RFX3: variants seen among roughly 807,000 people sequenced by gnomAD.
RFX3 encodes transcription factor RFX3.
RFX3 carries 14 observed loss-of-function variants against 98.6 expected under a neutral mutation model. That is an observed-to-expected ratio of 0.14 (90% CI 0.09 to 0.22). The LOEUF is 0.22. RFX3 is among the 10% of genes least tolerant of loss of function. The pLI is 1.00. For synonymous variants in RFX3, 383 were observed against 328.4 expected (o/e 1.17, Z -1.80); for missense variants, 639 against 926.9 (o/e 0.69, Z 4.03).
At chr9:3,525,521 G>A (rs1392852890) in intron 1 of RFX3, among the ~76,000 whole-genome samples, 1 of 151,846 alleles carries the variant, frequency 6.6e-6, no homozygotes, top group African/African-American at 2.4e-5. Flanking sequence ...CGGGCGGCGC[G>A]GCGCCCACAC....
At chr9:3,393,514 T>A (rs1244700864) in intron 2 of RFX3, among the ~76,000 whole-genome samples, 4 of 152,152 alleles carry the variant, frequency 2.6e-5, no homozygotes, top group Non-Finnish European at 5.9e-5. Context: ...CAGAGTGAGT[T>A]AAATGTTCAA....
chr9:3,435,956 G>A (rs1034902847), intron 1 of RFX3, among the ~76,000 whole-genome samples: 6 of 151,798 alleles, frequency 4.0e-5, no homozygotes, highest in South Asian at 2.1e-4. Context: ...ATTTTCTCTC[G>A]TGCTATTTTC....
intron 4 of RFX3, among the ~76,000 whole-genome samples, chr9:3,327,214 G>A (rs568510083): frequency 6.6e-6 from 1 of 151,596 alleles, no homozygotes; most frequent in East Asian, 1.9e-4. Context: ...AAAAAATCTT[G>A]ATTTTTAGGA....
chr9:3,469,320 C>A, intron 1 of RFX3: 1 of 307,748 alleles, frequency 3.2e-6, no homozygotes, highest in South Asian at 2.9e-5. Flanking sequence ...CTTCTATTTT[C>A]TAGTCTAGTA....
intron 2 of RFX3, among the ~76,000 whole-genome samples, chr9:3,370,609 C>G (rs1311293313): frequency 1.3e-5 from 2 of 151,948 alleles, no homozygotes; most frequent in Non-Finnish European, 2.9e-5. Flanking sequence ...ATAAAAATGC[C>G]TTAATTTAAG....
At chr9:3,239,130 T>C (rs1819577712) in intron 15 of RFX3, among the ~76,000 whole-genome samples, 1 of 152,314 alleles carries the variant, frequency 6.6e-6, no homozygotes, top group South Asian at 2.1e-4. Flanking sequence ...GCATTATTAT[T>C]TTCCTTAAAT....
intron 1 of RFX3, among the ~76,000 whole-genome samples, chr9:3,446,816 G>C (rs1216254465): frequency 6.6e-6 from 1 of 151,946 alleles, no homozygotes; most frequent in Non-Finnish European, 1.5e-5. Flanking sequence ...ACTTAAAATG[G>C]AAATAATTTG....
Position 3,513,223 on chromosome 9 carries a change from C to T in RFX3, c.-9+12524G>A, listed in dbSNP as rs540846718. On this transcript the variant is annotated intron_variant, in intron 1 of 16. Coordinates refer to ENST00000617270, the MANE Select transcript of RFX3 (RefSeq NM_001282116.2). Reference sequence around the variant, plus strand: ...TTTATCCAATTATCTTAGGTCTCTGCTAGAATGTTTTTGAATCAAATATTA... The same window carrying T: ...TTTATCCAATTATCTTAGGTCTCTGTTAGAATGTTTTTGAATCAAATATTA... Among the ~76,000 whole-genome samples, 341 of 152,082 alleles carry T rather than the reference C, an allele frequency of 2.2e-3. 1 individual carries two copies. The highest frequency in any genetic ancestry group is 3.9e-3 in the Non-Finnish European group (268 of 67,960).
intron 1 of RFX3, among the ~76,000 whole-genome samples, chr9:3,398,914 T>TAAAAAAAAAAAAAAA (rs71324247): frequency 2.5e-4 from 17 of 67,548 alleles, no homozygotes; most frequent in African/African-American, 7.2e-4. Context: ...TAGAGTATAA[T>TAAAAAAAAAAAAAAA]AAAAAAAAAA....
chr9:3,435,487 TATA>T (rs1349729086), intron 1 of RFX3, among the ~76,000 whole-genome samples: 3 of 152,078 alleles, frequency 2.0e-5, no homozygotes, highest in African/African-American at 4.8e-5. Flanking sequence ...ATCACTTGGC[TATA>T]ATAATATTTC....
intron 14 of RFX3, among the ~76,000 whole-genome samples, chr9:3,253,177 T>C (rs558188795): frequency 3.3e-5 from 5 of 152,348 alleles, no homozygotes; most frequent in Admixed American, 2.0e-4. Flanking sequence ...GGCGTGGAAA[T>C]TGAAATATAT....
intron 1 of RFX3, among the ~76,000 whole-genome samples, chr9:3,431,454 T>G (rs781573661): frequency 6.6e-6 from 1 of 152,030 alleles, no homozygotes; most frequent in Non-Finnish European, 1.5e-5. Context: ...AGCATAAGAA[T>G]GATTTAAAAA....
chr9:3,278,274 C>A (rs3012681), intron 7 of RFX3, among the ~76,000 whole-genome samples: 2,147 of 151,718 alleles, frequency 0.014, 45 homozygotes, highest in African/African-American at 0.049. Context: ...ATAAGCAAAA[C>A]AAAATAAGTA....
chr9:3,307,069 GCT>G (rs1829410445), intron 4 of RFX3, among the ~76,000 whole-genome samples: 1 of 152,046 alleles, frequency 6.6e-6, no homozygotes, highest in South Asian at 2.1e-4. Context: ...CTCTGCCCAA[GCT>G]CTCTTTTTGC....
rs933603221 is a variant in RFX3 at position 3,385,689 on chromosome 9, A to G, written c.117+9783T>C. 2.5e-3 allele frequency among the ~76,000 whole-genome samples: 324 copies of G among 130,662 alleles called. 1 individual carries two copies. The highest frequency in any genetic ancestry group is 9.9e-3 in the African/African-American group (304 of 30,742). 85.7% of individuals were successfully genotyped at this position (130,662 alleles called of 152,430 possible). ...CACCATTGCACTCCAGCCTGTCTTA[A>G]AAAAAAAAAAAAAAAGAAAAGAAAA... On this transcript the variant is annotated intron_variant, in intron 2 of 16. Transcript: ENST00000617270.
At chr9:3,446,173 T>C (rs899801540) in intron 1 of RFX3, among the ~76,000 whole-genome samples, 2 of 152,044 alleles carry the variant, frequency 1.3e-5, no homozygotes, top group Non-Finnish European at 2.9e-5. Flanking sequence ...AACAAACAAA[T>C]TGATACACAA....
At chr9:3,427,740 T>G (rs1019999057) in intron 1 of RFX3, among the ~76,000 whole-genome samples, 1 of 152,008 alleles carries the variant, frequency 6.6e-6, no homozygotes, top group Non-Finnish European at 1.5e-5. Context: ...TACCATATCT[T>G]TTCATTCTCA....
chr9:3,267,372 G>C (rs1235936595), intron 11 of RFX3, among the ~76,000 whole-genome samples: 6 of 151,908 alleles, frequency 3.9e-5, no homozygotes, highest in African/African-American at 1.4e-4. Context: ...TAATATTACG[G>C]ATGGGCTTAA....
chr9:3,399,060 C>G (rs1355531749), intron 1 of RFX3, among the ~76,000 whole-genome samples: 1 of 151,724 alleles, frequency 6.6e-6, no homozygotes, highest in Non-Finnish European at 1.5e-5. Context: ...TTTGACTCCC[C>G]ACTCGGGTTT....
Sources: allele counts gnomAD v4.1 joint callset (sites outside exome capture counted in the v4.1 genomes callset), GRCh38; gene constraint gnomAD v4.1.1; transcripts MANE v1.5; gene names NCBI Gene and HGNC (gene_info 2026-07-23, HGNC 2026-07-21).